GRAMD4: variants seen among roughly 807,000 people sequenced by gnomAD.
GRAMD4 encodes GRAM domain containing 4, also known as GRAM domain-containing protein 4.
In GRAMD4, 25 loss-of-function variants were observed where a neutral mutation model predicts 83.9. The ratio of observed to expected loss-of-function variants is 0.30; its 90% CI spans 0.22 to 0.42. The LOEUF is 0.42. Among genes scored for constraint, GRAMD4 ranks in the 10% least tolerant of loss-of-function variants. GRAMD4 has a pLI of 1.00. For missense variants in GRAMD4, 593 were observed against 788.7 expected (o/e 0.75, Z 2.97); for synonymous variants, 336 against 320.9 (o/e 1.05, Z -0.50).
intron 2 of GRAMD4, among the ~76,000 whole-genome samples, chr22:46,636,279 G>A (rs565766818): frequency 2.6e-5 from 4 of 152,316 alleles, no homozygotes; most frequent in South Asian, 2.1e-4. Context: ...CAGAACAGGC[G>A]TCCCATGCCT....
intron 1 of GRAMD4, among the ~76,000 whole-genome samples, chr22:46,614,038 A>C (rs1462908338): frequency 1.3e-5 from 2 of 152,202 alleles, no homozygotes; most frequent in Admixed American, 6.5e-5. Flanking sequence ...GAGCTGATTG[A>C]TGGATTTTCA....
At chr22:46,628,250 C>T (rs1263882250) in intron 2 of GRAMD4, among the ~76,000 whole-genome samples, 1 of 152,220 alleles carries the variant, frequency 6.6e-6, no homozygotes, top group African/African-American at 2.4e-5. Flanking sequence ...GTCTGTCCTG[C>T]TCCAGGTGTT....
chr22:46,579,175 C>T (rs1373914917), intron 1 of GRAMD4, among the ~76,000 whole-genome samples: 2 of 152,224 alleles, frequency 1.3e-5, no homozygotes, highest in Non-Finnish European at 2.9e-5. Flanking sequence ...TCTGGGTCTC[C>T]TGCTGAGGGA....
chr22:46,680,761 C>CCCAT (rs1281574424), downstream of GRAMD4, among the ~76,000 whole-genome samples: 1 of 100,310 alleles, frequency 1.0e-5, no homozygotes, highest in Non-Finnish European at 2.0e-5. Context: ...CATCCACCCA[C>CCCAT]CCATCCATCC....
rs1601673666 is a variant in GRAMD4, at chr22:46,668,173, G to C, written c.930+6G>C. 6.2e-7 allele frequency: 1 copy of C among 1,605,482 alleles called. No individual in the cohort carries two copies. Among genetic ancestry groups the C allele is most frequent in the African/African-American group, 1.3e-5 (1 of 74,862 alleles). The stretch of plus-strand genomic sequence containing the variant: ...ACGTCGCCCAGAAAGCCCAGGTACT[G>C]CCACGGGCGCCGGCCAGGGGTGTGT... On this transcript the variant is annotated splice_donor_region_variant and intron_variant, in intron 11 of 18. Transcript: ENST00000406902.
intron 3 of GRAMD4, among the ~76,000 whole-genome samples, chr22:46,645,275 C>T (rs1295202939): frequency 6.6e-6 from 1 of 152,116 alleles, no homozygotes. Context: ...TTCTCACTCC[C>T]ATCTCAGTCC....
intron 1 of GRAMD4, among the ~76,000 whole-genome samples, chr22:46,608,021 T>C (rs1030753909): frequency 6.6e-6 from 1 of 152,214 alleles, no homozygotes; most frequent in African/African-American, 2.4e-5. Context: ...CCTCGCCTCC[T>C]CTGTATCCTT....
rs570622024 is a variant in GRAMD4 at position 46,629,733 on chromosome 22, T to A, written c.162+2772T>A. On this transcript the variant is annotated intron_variant, in intron 2 of 18. Coordinates refer to ENST00000406902, the MANE Select transcript of GRAMD4 (RefSeq NM_015124.5). ...GTTTCTATTAATAGCATATTTACAA[T>A]GCTGTGCTACCATTACTACAGTTTT... Among the ~76,000 whole-genome samples the A allele has an allele frequency of 2.0e-4, 30 of 152,360 alleles. No individual in the cohort carries two copies. In the East Asian group the frequency reaches 5.8e-3, roughly 29 times the overall value.
upstream of GRAMD4, among the ~76,000 whole-genome samples, chr22:46,618,676 C>T (rs1431758452): frequency 1.4e-4 from 21 of 152,014 alleles, no homozygotes; most frequent in Non-Finnish European, 1.3e-4. This position sits in a 1 kb window ranked among gnomAD's most constrained non-coding sequence, Gnocchi z 5.8. Context: ...GGGAGGCACG[C>T]GGCTGCCTGG....
chr22:46,661,482 T>G (rs1018934399), intron 5 of GRAMD4, 40 bp downstream of exon 5: 2 of 1,304,624 alleles, frequency 1.5e-6, no homozygotes, highest in Non-Finnish European at 2.2e-6. Flanking sequence ...GGCGGGCGGG[T>G]GGGTGGCTGC....
chr22:46,615,817 C>T (rs1457978985), upstream of GRAMD4, among the ~76,000 whole-genome samples: 1 of 46,380 alleles, frequency 2.2e-5, no homozygotes, highest in African/African-American at 9.3e-5. Context: ...TTCCCCTGTG[C>T]GTGTGGGTTC....
rs940006221 is a variant in GRAMD4, at chr22:46,677,953, G to A, written c.*702G>A. 61 of 985,152 alleles carry A rather than the reference G, an allele frequency of 6.2e-5. No individual in the cohort carries two copies. The highest frequency in any genetic ancestry group is 6.7e-5 in the Non-Finnish European group (56 of 829,722). 61.0% of individuals were successfully genotyped at this position (985,152 alleles called of 1,614,324 possible). A position where few individuals can be genotyped will look rare whatever the true frequency, so the allele number is the denominator to read the frequency against. On this transcript the variant is annotated 3_prime_UTR_variant, in exon 19 of 19. Coordinates refer to ENST00000406902, the MANE Select transcript of GRAMD4 (RefSeq NM_015124.5). Reference sequence around the variant, plus strand: ...CACCTTCCTTGCTGGCCTCCAGGGCGCTCAGCACCGCGTCTGTAAGGGCCT... The same window carrying A: ...CACCTTCCTTGCTGGCCTCCAGGGCACTCAGCACCGCGTCTGTAAGGGCCT...
At chr22:46,604,914 T>C (rs560328009) in intron 1 of GRAMD4, among the ~76,000 whole-genome samples, 5 of 118,542 alleles carry the variant, frequency 4.2e-5, no homozygotes, top group Non-Finnish European at 5.2e-5. Flanking sequence ...TCACCCAGGT[T>C]TTGGTGCCAT....
chr22:46,621,236 A>G lies in GRAMD4; in HGVS notation c.-50+671A>G, dbSNP rs1008599657. Among the ~76,000 whole-genome samples, 2 of 152,148 alleles carry G rather than the reference A, an allele frequency of 1.3e-5. No individual in the cohort carries two copies. Among genetic ancestry groups the G allele is most frequent in the Admixed American group, 6.5e-5 (1 of 15,282 alleles). ...TGAGGTGCAGCCTGGAGCTATGCTC[A>G]GTGTGTAGACGGGCCTTGGTTCCTG... On this transcript the variant is annotated intron_variant, in intron 1 of 18. Coordinates refer to ENST00000406902, the MANE Select transcript of GRAMD4 (RefSeq NM_015124.5). This position sits in a 1 kb window ranked among gnomAD's most constrained non-coding sequence, Gnocchi z 5.8.
At chr22:46,655,549 G>A (rs866676476) in intron 3 of GRAMD4, among the ~76,000 whole-genome samples, 10 of 152,126 alleles carry the variant, frequency 6.6e-5, no homozygotes, top group African/African-American at 2.2e-4. Context: ...AAGGGCCCCC[G>A]CCCAAATGTG....
chr22:46,657,096 C>T (rs1424412889), intron 3 of GRAMD4, among the ~76,000 whole-genome samples: 2 of 152,244 alleles, frequency 1.3e-5, no homozygotes, highest in Admixed American at 6.5e-5. Flanking sequence ...CTGGGGCCAC[C>T]TGCCTGAGCC....
At chr22:46,583,402 A>T (rs535071106) in intron 1 of GRAMD4, among the ~76,000 whole-genome samples, 1 of 152,334 alleles carries the variant, frequency 6.6e-6, no homozygotes, top group East Asian at 1.9e-4. Context: ...GCCAAAGTAC[A>T]TAGTTTGTTC....
chr22:46,611,608 A>G (rs2081417488), intron 1 of GRAMD4, among the ~76,000 whole-genome samples: 1 of 151,668 alleles, frequency 6.6e-6, no homozygotes. Flanking sequence ...TGCTTTGTAC[A>G]CTCCGAGAAA....
In GRAMD4 at chr22:46,679,240, C is replaced by T. The variant is rs1484605510; in HGVS notation, c.*1989C>T. The T allele has an allele frequency of 1.0e-5, 10 of 985,506 alleles. No individual in the cohort carries two copies. The highest frequency in any genetic ancestry group is 1.7e-5 in the African/African-American group (1 of 57,364). The allele number at this position is 985,506 out of a possible 1,614,324, so 61.0% of individuals were successfully genotyped here. A position where few individuals can be genotyped will look rare whatever the true frequency, so the allele number is the denominator to read the frequency against. On this transcript the variant is annotated 3_prime_UTR_variant, in exon 19 of 19. Transcript: ENST00000406902. ...GCTGGGATTCAGTCCCCAAACACAG[C>T]GGGAGGGGTCCCTGGGGCAGATGGG...
Sources: allele counts gnomAD v4.1 joint callset (sites outside exome capture counted in the v4.1 genomes callset), GRCh38; gene constraint gnomAD v4.1.1; non-coding constraint Gnocchi (gnomAD v3.1); transcripts MANE v1.5; gene names NCBI Gene and HGNC (gene_info 2026-07-23, HGNC 2026-07-21).